Variants in CCDC91 observed in about 807,000 individuals in gnomAD.
CCDC91 encodes coiled-coil domain containing 91.
Under a neutral mutation model 63.2 loss-of-function variants are expected in CCDC91, and 48 were observed. That is an observed-to-expected ratio of 0.76 (90% CI 0.60 to 0.97). The LOEUF (loss-of-function observed/expected upper bound fraction) is 0.97, where lower values mean the gene tolerates loss of function less well. CCDC91 is among the 50% of genes least tolerant of loss of function. The pLI, the probability that CCDC91 is intolerant of heterozygous loss-of-function variation, is 0.00. For synonymous variants in CCDC91, 167 were observed against 165.8 expected, an observed-to-expected ratio of 1.01 and a Z score of -0.06; for missense variants, 500 against 494.6, an observed-to-expected ratio of 1.01 and a Z score of -0.10.
chr12:28,491,319 C>A (rs1243074400), intron 12 of CCDC91, among the ~76,000 whole-genome samples: 1 of 151,496 alleles, frequency 6.6e-6, no homozygotes, highest in East Asian at 1.9e-4. Context: ...TCACTTGAAC[C>A]CAGGTAGATC....
intron 3 of CCDC91, chr12:28,268,759 C>G: frequency 5.0e-5 from 34 of 678,746 alleles, no homozygotes; most frequent in Non-Finnish European, 6.2e-5. Context: ...TAGATTTTAC[C>G]TAAAATCTAC....
intron 12 of CCDC91, among the ~76,000 whole-genome samples, chr12:28,515,292 C>T (rs1939825503): frequency 6.6e-6 from 1 of 151,680 alleles, no homozygotes; most frequent in Non-Finnish European, 1.5e-5. Flanking sequence ...TTAGCTAAAG[C>T]TTTCATTTTG....
intron 6 of CCDC91, among the ~76,000 whole-genome samples, chr12:28,346,216 C>T (rs1447145581): frequency 6.6e-6 from 1 of 152,132 alleles, no homozygotes; most frequent in Non-Finnish European, 1.5e-5. Flanking sequence ...TTGTCTATAA[C>T]TAGTTATTGT....
At chr12:28,450,570 C>G in intron 10 of CCDC91, 152 bp downstream of exon 10, 1 of 585,908 alleles carries the variant, frequency 1.7e-6, no homozygotes, top group Admixed American at 3.1e-5. Flanking sequence ...GATATGACTA[C>G]TTATATTCTT....
At chr12:28,207,583 A>G (rs7973241) in intron 1 of CCDC91, among the ~76,000 whole-genome samples, 39,698 of 152,122 alleles carry the variant, frequency 0.26, 5,453 homozygotes, top group Non-Finnish European at 0.31. Context: ...TGAAAATGAC[A>G]AATGAAATCC....
intron 12 of CCDC91, among the ~76,000 whole-genome samples, chr12:28,505,197 G>A (rs538814069): frequency 3.9e-5 from 6 of 151,920 alleles, no homozygotes; most frequent in African/African-American, 9.6e-5. Flanking sequence ...TCTAATTTGG[G>A]ATGCGGGAAA....
chr12:28,405,403 A>G (rs1384134664), intron 8 of CCDC91, among the ~76,000 whole-genome samples: 1 of 152,132 alleles, frequency 6.6e-6, no homozygotes, highest in Non-Finnish European at 1.5e-5. Context: ...TTGTTATTTT[A>G]AAGAAACCAT....
intron 8 of CCDC91, among the ~76,000 whole-genome samples, chr12:28,410,725 T>C (rs1947265645): frequency 6.6e-6 from 1 of 152,282 alleles, no homozygotes; most frequent in African/African-American, 2.4e-5. Flanking sequence ...TTTCACTATG[T>C]TGGCCGGGCT....
intron 6 of CCDC91, among the ~76,000 whole-genome samples, chr12:28,337,764 TA>T (rs1389482092): frequency 2.0e-5 from 3 of 152,128 alleles, no homozygotes; most frequent in Non-Finnish European, 4.4e-5. Context: ...TGCCTTGGAC[TA>T]AAATATTTTT....
chr12:28,267,941 TATAATTATTA>T (rs1565701570), intron 3 of CCDC91, among the ~76,000 whole-genome samples: 1 of 89,928 alleles, frequency 1.1e-5, no homozygotes, highest in African/African-American at 4.1e-5. Flanking sequence ...TATAATTATA[TATAATTATTA>T]TATATAATTA....
chr12:28,542,772 A>G (rs903085973), intron 12 of CCDC91, among the ~76,000 whole-genome samples: 1 of 152,064 alleles, frequency 6.6e-6, no homozygotes, highest in African/African-American at 2.4e-5. Context: ...TCCCAAACTT[A>G]CTTGACTTAA....
intron 12 of CCDC91, among the ~76,000 whole-genome samples, chr12:28,518,158 G>T (rs543760545): frequency 2.0e-5 from 3 of 152,106 alleles, no homozygotes; most frequent in East Asian, 1.9e-4. Context: ...CCAGTAGTGG[G>T]ATTGCTGGAT....
intron 7 of CCDC91, among the ~76,000 whole-genome samples, chr12:28,382,456 A>G (rs1353316156): frequency 1.3e-5 from 2 of 152,068 alleles, no homozygotes; most frequent in Non-Finnish European, 2.9e-5. Flanking sequence ...GGATTTCACC[A>G]TTAATGTAAA....
chr12:28,363,736 G>A (rs1393775467), intron 7 of CCDC91, among the ~76,000 whole-genome samples: 1 of 151,850 alleles, frequency 6.6e-6, no homozygotes, highest in East Asian at 1.9e-4. Context: ...AATTAGCCGG[G>A]CATGGTGGCG....
intron 1 of CCDC91, among the ~76,000 whole-genome samples, chr12:28,222,309 G>A (rs1259054815): frequency 6.6e-6 from 1 of 151,392 alleles, no homozygotes; most frequent in Non-Finnish European, 1.5e-5. Context: ...GGTGGTGGTG[G>A]TGCTGGTGCT....
At chr12:28,493,233 T>G (rs1422517544) in intron 12 of CCDC91, among the ~76,000 whole-genome samples, 1 of 151,670 alleles carries the variant, frequency 6.6e-6, no homozygotes, top group African/African-American at 2.4e-5. Context: ...GGTCAAGATT[T>G]TAACTTGGTT....
intron 6 of CCDC91, among the ~76,000 whole-genome samples, chr12:28,322,574 T>C (rs1355100786): frequency 6.6e-6 from 1 of 151,864 alleles, no homozygotes; most frequent in Non-Finnish European, 1.5e-5. Context: ...ATTTTCTATG[T>C]GTCTCAATAT....
intron 3 of CCDC91, among the ~76,000 whole-genome samples, chr12:28,297,945 A>T (rs566234080): frequency 2.6e-5 from 4 of 151,920 alleles, no homozygotes; most frequent in South Asian, 4.1e-4. Context: ...ATATACGTGG[A>T]CAATATTTAC....
At chr12:28,444,328 T>C (rs1156835526) in intron 8 of CCDC91, among the ~76,000 whole-genome samples, 1 of 152,336 alleles carries the variant, frequency 6.6e-6, no homozygotes, top group South Asian at 2.1e-4. Context: ...GAACAATTCG[T>C]ATTTCAATTG....
Sources: gnomAD v4.1 joint callset for allele counts (sites outside exome capture counted in the v4.1 genomes callset) on GRCh38, gnomAD v4.1.1 for gene constraint, MANE v1.5 for transcripts, NCBI Gene and HGNC (gene_info 2026-07-23, HGNC 2026-07-21) for gene names.